Variants in PAPPA2 observed in about 807,000 individuals in gnomAD.
The protein encoded by PAPPA2 is pappalysin 2, also known as pappalysin-2.
PAPPA2 carries 86 observed loss-of-function variants against 176.4 expected under a neutral mutation model. The observed-to-expected ratio is 0.49, with a 90% confidence interval of 0.41 to 0.58. The LOEUF is 0.58. PAPPA2 is among the 20% of genes least tolerant of loss of function. PAPPA2 has a pLI of 0.00. For missense variants in PAPPA2, 2,073 were observed against 2,256.9 expected (o/e 0.92, Z 1.65); for synonymous variants, 809 against 852.2 (o/e 0.95, Z 0.88).
At chr1:176,730,746 C>G (rs1275935473) in intron 12 of PAPPA2, among the ~76,000 whole-genome samples, 1 of 151,844 alleles carries the variant, frequency 6.6e-6, no homozygotes, top group Non-Finnish European at 1.5e-5. Flanking sequence ...TAATTTTCCC[C>G]TCTAAGTACT....
intron 3 of PAPPA2, among the ~76,000 whole-genome samples, chr1:176,639,719 C>T (rs866093796): frequency 1.1e-4 from 16 of 144,334 alleles, no homozygotes; most frequent in African/African-American, 3.8e-4. Flanking sequence ...CTTTTTCTTT[C>T]TTTTTTTTTT....
At chr1:176,674,635 T>A (rs1388508675) in intron 4 of PAPPA2, among the ~76,000 whole-genome samples, 1 of 152,082 alleles carries the variant, frequency 6.6e-6, no homozygotes, top group East Asian at 1.9e-4. Flanking sequence ...TATACACATA[T>A]ACTGTATTTT....
chr1:176,547,823 G>T (rs1040232915), intron 1 of PAPPA2, among the ~76,000 whole-genome samples: 5 of 152,138 alleles, frequency 3.3e-5, no homozygotes, highest in African/African-American at 1.2e-4. Context: ...TATCATTTCT[G>T]GTTAAGAACC....
intron 1 of PAPPA2, among the ~76,000 whole-genome samples, chr1:176,496,849 A>G (rs1369307989): frequency 6.6e-6 from 1 of 152,212 alleles, no homozygotes; most frequent in South Asian, 2.1e-4. Flanking sequence ...AGAGTGAGGC[A>G]TGGGACTTGT....
At chr1:176,651,807 G>T (rs1657743190) in intron 3 of PAPPA2, among the ~76,000 whole-genome samples, 2 of 151,288 alleles carry the variant, frequency 1.3e-5, no homozygotes, top group East Asian at 2.0e-4. Context: ...TCTATATCTT[G>T]TAGGCAATCT....
chr1:176,844,136 A>T lies in PAPPA2; in HGVS notation c.*1682A>T, dbSNP rs191864006. 6.8e-6 allele frequency: 1 copy of T among 146,576 alleles called. No homozygotes were observed. The highest frequency in any genetic ancestry group is 1.5e-5 in the Non-Finnish European group (1 of 66,942). 9.1% of individuals were successfully genotyped at this position (146,576 alleles called of 1,614,324 possible). ...AGTAAGGAGCCAGTTTCTGTTTAAC[A>T]TTCTAGTTTTACTCATTTTAGGAAG... On this transcript the variant is annotated 3_prime_UTR_variant, in exon 23 of 23. Coordinates refer to ENST00000367662, the MANE Select transcript of PAPPA2 (RefSeq NM_020318.3).
intron 4 of PAPPA2, among the ~76,000 whole-genome samples, chr1:176,679,840 G>C (rs578254829): frequency 1.6e-4 from 24 of 152,338 alleles, no homozygotes; most frequent in African/African-American, 5.8e-4. Context: ...TGAAAGGAGA[G>C]TGGTTGAGTT....
intron 17 of PAPPA2, among the ~76,000 whole-genome samples, chr1:176,784,468 A>G (rs1272744315): frequency 6.6e-6 from 1 of 152,192 alleles, no homozygotes; most frequent in East Asian, 1.9e-4. Context: ...ATAACAGAAC[A>G]CCATAGATGG....
At chr1:176,740,602 C>T (rs978173165) in intron 14 of PAPPA2, among the ~76,000 whole-genome samples, 10 of 152,102 alleles carry the variant, frequency 6.6e-5, no homozygotes, top group Admixed American at 5.9e-4. Context: ...TTAACAATTG[C>T]TTGCTAGGGT....
At chr1:176,494,317 C>A (rs189605731) in intron 1 of PAPPA2, among the ~76,000 whole-genome samples, 1 of 152,156 alleles carries the variant, frequency 6.6e-6, no homozygotes, top group Non-Finnish European at 1.5e-5. Flanking sequence ...ATCTTGGAAT[C>A]ATTCTTAAAG....
At chr1:176,710,537 C>G (rs923466620) in intron 11 of PAPPA2, among the ~76,000 whole-genome samples, 1 of 152,052 alleles carries the variant, frequency 6.6e-6, no homozygotes, top group African/African-American at 2.4e-5. Flanking sequence ...TAAGTAAATT[C>G]TTGCGTACAT....
intron 1 of PAPPA2, among the ~76,000 whole-genome samples, chr1:176,521,140 C>T (rs568340757): frequency 8.6e-5 from 13 of 150,776 alleles, no homozygotes; most frequent in African/African-American, 2.7e-4. Context: ...GAGAGTAGGG[C>T]GGTGTAGTGG....
chr1:176,559,645 C>G (rs999701402), intron 2 of PAPPA2, among the ~76,000 whole-genome samples: 9 of 152,228 alleles, frequency 5.9e-5, no homozygotes, highest in African/African-American at 2.2e-4. Context: ...CCATACAGCA[C>G]TCGCCCCTGA....
At chr1:176,587,725 C>G (rs1653405607) in intron 2 of PAPPA2, among the ~76,000 whole-genome samples, 1 of 152,102 alleles carries the variant, frequency 6.6e-6, no homozygotes, top group East Asian at 1.9e-4. Flanking sequence ...TAGCGTGATG[C>G]CTCCAGCTTT....
intron 12 of PAPPA2, 37 bp downstream of exon 12, chr1:176,712,018 G>A: frequency 6.3e-7 from 1 of 1,586,040 alleles, no homozygotes; most frequent in Non-Finnish European, 8.6e-7. Flanking sequence ...GCATGTGAAA[G>A]GTGTAAGCAT....
At chr1:176,566,869 A>G (rs1443841374) in intron 2 of PAPPA2, among the ~76,000 whole-genome samples, 3 of 152,030 alleles carry the variant, frequency 2.0e-5, no homozygotes, top group Admixed American at 1.3e-4. Flanking sequence ...TAAACACTTT[A>G]TTTGGTGTTT....
At chr1:176,823,765 A>G (rs1238155822) in intron 21 of PAPPA2, among the ~76,000 whole-genome samples, 1 of 152,196 alleles carries the variant, frequency 6.6e-6, no homozygotes, top group Non-Finnish European at 1.5e-5. Context: ...ATATGGTCAC[A>G]TTCCCTCAGC....
At chr1:176,721,273 A>G (rs768794274) in intron 12 of PAPPA2, among the ~76,000 whole-genome samples, 7 of 152,250 alleles carry the variant, frequency 4.6e-5, no homozygotes, top group Non-Finnish European at 1.0e-4. Flanking sequence ...TCACAATTTT[A>G]TAATGAATAA....
chr1:176,615,181 A>G (rs1349938056), intron 3 of PAPPA2, among the ~76,000 whole-genome samples: 1 of 152,044 alleles, frequency 6.6e-6, no homozygotes, highest in Non-Finnish European at 1.5e-5. Context: ...GCTCCCTCCC[A>G]TTTTTTTCTC....
Sources: allele counts gnomAD v4.1 joint callset (sites outside exome capture counted in the v4.1 genomes callset), GRCh38; gene constraint gnomAD v4.1.1; transcripts MANE v1.5; gene names NCBI Gene and HGNC (gene_info 2026-07-23, HGNC 2026-07-21).